The following RIPOR2 variants were observed in gnomAD, a reference collection of about 807,000 sequenced individuals.
RIPOR2 encodes the protein RHO family interacting cell polarization regulator 2.
A neutral mutation model predicts 114.5 loss-of-function variants in RIPOR2; 39 were observed. The ratio of observed to expected loss-of-function variants is 0.34; its 90% confidence interval spans 0.26 to 0.44. RIPOR2 has a LOEUF of 0.44. Among genes scored for constraint, RIPOR2 ranks in the 20% least tolerant of loss-of-function variants. The pLI, the probability that RIPOR2 is intolerant of heterozygous loss-of-function variation, is 1.00. For synonymous variants in RIPOR2, 445 were observed against 484.4 expected (o/e 0.92, Z 1.07); for missense variants, 1,007 against 1,255.1 (o/e 0.80, Z 2.99).
chr6:24,931,479 T>G (rs995620057), intron 1 of RIPOR2, among the ~76,000 whole-genome samples: 1 of 152,236 alleles, frequency 6.6e-6, no homozygotes, highest in African/African-American at 2.4e-5. Context: ...AGCTAATGGT[T>G]GAATGGACTT....
intron 9 of RIPOR2, 81 bp downstream of exon 9, chr6:24,852,494 G>T: frequency 7.4e-6 from 8 of 1,088,238 alleles, no homozygotes; most frequent in Middle Eastern, 2.0e-4. Flanking sequence ...AAGACAACTT[G>T]AAAAGCAAAA....
At chr6:24,926,823 A>AATC (rs372184754) in intron 1 of RIPOR2, among the ~76,000 whole-genome samples, 98 of 151,324 alleles carry the variant, frequency 6.5e-4, no homozygotes, top group African/African-American at 1.5e-3. Flanking sequence ...TTGAGTGGTT[A>AATC]ATCATCATCA....
rs1402953894 is a variant in RIPOR2 at position 24,843,217 on chromosome 6, T to C, written c.1502A>G (p.Gln501Arg). The change falls in exon 13 of 22, where the codon CAG becomes CGG. Residue 501 changes from glutamine (Q) to arginine (R), a missense_variant. Transcript: ENST00000643898. ...ASAPSEACRRQSSGAGAEHLF... is the reference protein window; with the variant it reads ...ASAPSEACRRRSSGAGAEHLF... ...GTGCTCAGCCCCAGCACCTGAGGAC[T>C]GTCGGCGGCAAGCCTCAGATGGGGC... 6.2e-7 allele frequency: 1 copy of C among 1,614,030 alleles called. No homozygotes were observed. The highest frequency in any genetic ancestry group is 8.5e-7 in the Non-Finnish European group (1 of 1,179,888).
intron 1 of RIPOR2, among the ~76,000 whole-genome samples, chr6:25,014,187 G>A (rs1186044120): frequency 1.3e-5 from 2 of 152,216 alleles, no homozygotes; most frequent in Admixed American, 6.5e-5. Flanking sequence ...TTTTACAGAT[G>A]AGGGAACTGA....
intron 1 of RIPOR2, among the ~76,000 whole-genome samples, chr6:24,895,478 T>C (rs1421310452): frequency 6.6e-6 from 1 of 151,870 alleles, no homozygotes; most frequent in East Asian, 1.9e-4. Context: ...TTTTTCTCCA[T>C]ACACACAGCA....
At chr6:24,995,623 C>T (rs1371787791) in intron 1 of RIPOR2, among the ~76,000 whole-genome samples, 1 of 152,180 alleles carries the variant, frequency 6.6e-6, no homozygotes, top group Non-Finnish European at 1.5e-5. Flanking sequence ...GCTCTGCTTA[C>T]AGAGAATACA....
At chr6:24,907,427 A>C (rs1047840813) in intron 1 of RIPOR2, among the ~76,000 whole-genome samples, 1 of 152,144 alleles carries the variant, frequency 6.6e-6, no homozygotes, top group African/African-American at 2.4e-5. Context: ...TGTGTAAATG[A>C]TCTTTTTTGT....
chr6:24,936,385 A>C (rs763692390), upstream of RIPOR2, among the ~76,000 whole-genome samples: 3 of 152,240 alleles, frequency 2.0e-5, no homozygotes, highest in Non-Finnish European at 4.4e-5. Context: ...GCAGGCATTT[A>C]GAGGACAGAG....
At chr6:24,944,916 T>C (rs550084723) in intron 1 of RIPOR2, among the ~76,000 whole-genome samples, 8 of 152,234 alleles carry the variant, frequency 5.3e-5, no homozygotes, top group African/African-American at 1.7e-4. Context: ...AAAATAGTTA[T>C]ATAGAAGAAA....
chr6:24,877,992 G>T (rs1299346981), intron 1 of RIPOR2, among the ~76,000 whole-genome samples: 1 of 152,070 alleles, frequency 6.6e-6, no homozygotes, highest in Non-Finnish European at 1.5e-5. Context: ...CAGGTGACTG[G>T]GATGAGTCAG....
Position 24,835,854 on chromosome 6 carries a change from G to A in RIPOR2, c.2057C>T (p.Pro686Leu). The change falls in exon 15 of 22, where the codon CCA becomes CTA. Residue 686 changes from proline to leucine, a missense_variant. Coordinates refer to ENST00000643898, the MANE Select transcript of RIPOR2 (RefSeq NM_001286445.3). ...TEKHSYRSVH[P>L]EARGHLSEAL... ...TTCACTGAGATGCCCCCTGGCTTCTGGGTGAACCGACCTGTAACTATTGAA... is the reference window on the plus strand; with the variant it reads ...TTCACTGAGATGCCCCCTGGCTTCTAGGTGAACCGACCTGTAACTATTGAA... 1 of 1,551,536 alleles carries A rather than the reference G, an allele frequency of 6.4e-7. No homozygotes were observed. Among genetic ancestry groups the A allele is most frequent in the South Asian group, 1.2e-5 (1 of 84,042 alleles).
intron 10 of RIPOR2, 147 bp from the exon 11 acceptor site, chr6:24,850,097 C>CTTTTT (rs5875008): frequency 2.1e-5 from 9 of 437,178 alleles, no homozygotes; most frequent in South Asian, 3.1e-5. Flanking sequence ...TTTTCTTTTT[C>CTTTTT]TTTTTTTTTT....
chr6:24,840,831 T>C (rs1010181581), intron 13 of RIPOR2: 19 of 1,502,320 alleles, frequency 1.3e-5, no homozygotes, highest in Non-Finnish European at 1.7e-5. Flanking sequence ...ATGCTTTAAT[T>C]CTGGCTGGAT....
chr6:24,926,133 G>A (rs1770843744), intron 1 of RIPOR2, among the ~76,000 whole-genome samples: 1 of 152,064 alleles, frequency 6.6e-6, no homozygotes, highest in Admixed American at 6.5e-5. Flanking sequence ...GTTTTCAGTG[G>A]GTGTTATCTT....
At chr6:25,032,365 C>T (rs771374013) in intron 1 of RIPOR2, among the ~76,000 whole-genome samples, 2 of 152,132 alleles carry the variant, frequency 1.3e-5, no homozygotes, top group Non-Finnish European at 2.9e-5. Flanking sequence ...TTGTGTGCCT[C>T]TTTCCATCCC....
intron 1 of RIPOR2, chr6:25,041,743 G>A (rs1328109827): frequency 1.9e-5 from 12 of 624,754 alleles, no homozygotes; most frequent in South Asian, 1.5e-4. Flanking sequence ...AAGAGAGGAG[G>A]AAGGGGGAAA....
intron 1 of RIPOR2, among the ~76,000 whole-genome samples, chr6:24,881,970 C>A (rs941548927): frequency 6.6e-6 from 1 of 152,272 alleles, no homozygotes; most frequent in Non-Finnish European, 1.5e-5. Flanking sequence ...AGAATTTGCA[C>A]CTCCTTGGAG....
At chr6:24,896,068 G>A (rs1248675049) in intron 1 of RIPOR2, among the ~76,000 whole-genome samples, 1 of 152,116 alleles carries the variant, frequency 6.6e-6, no homozygotes. Flanking sequence ...CTTAAAAGGA[G>A]CCCCGTGTCA....
intron 11 of RIPOR2, among the ~76,000 whole-genome samples, chr6:24,849,354 T>A (rs1178169881): frequency 2.0e-5 from 3 of 152,232 alleles, no homozygotes; most frequent in Admixed American, 6.5e-5. Context: ...AGGATACTCA[T>A]AATTTTCCAG....
Sources: allele counts gnomAD v4.1 joint callset (sites outside exome capture counted in the v4.1 genomes callset), GRCh38; gene constraint gnomAD v4.1.1; transcripts MANE v1.5; gene names NCBI Gene and HGNC (gene_info 2026-07-23, HGNC 2026-07-21).